Variants in ZIC3 observed in about 807,000 individuals in gnomAD.
ZIC3 encodes zinc finger protein ZIC 3.
ZIC3 carries 6 observed loss-of-function variants against 18.3 expected under a neutral mutation model. That is an observed-to-expected ratio of 0.33 (90% CI 0.18 to 0.65). The LOEUF is 0.65. ZIC3 is among the 30% of genes least tolerant of loss of function. ZIC3 has a pLI of 0.75. For synonymous variants in ZIC3, 175 were observed against 177.0 expected, an observed-to-expected ratio of 0.99 and a Z score of 0.09; for missense variants, 260 against 410.0, an observed-to-expected ratio of 0.63 and a Z score of 3.16.
In ZIC3 at chrX:137,566,644, A is replaced by AC. The variant is rs759794590; in HGVS notation, c.-45dup. The AC allele has an allele frequency of 1.2e-5, 14 of 1,184,042 alleles. No homozygotes were observed. The highest frequency in any genetic ancestry group is 1.6e-5 in the Non-Finnish European group (14 of 884,841). ...TTCGGAGATCTCCTCCTTCGCCGGT[A>AC]CCCTCTCTCACTTCGGCCGGATCGC... On this transcript the variant is annotated 5_prime_UTR_variant, in exon 1 of 3. Coordinates refer to ENST00000287538, the MANE Select transcript of ZIC3 (RefSeq NM_003413.4).
In ZIC3 at chrX:137,567,175, T is replaced by G. The variant is rs1221526194; in HGVS notation, c.484T>G (p.Phe162Val). 8.3e-7 allele frequency: 1 copy of G among 1,207,334 alleles called. No homozygotes were observed. The highest frequency in any genetic ancestry group is 1.1e-6 in the Non-Finnish European group (1 of 892,653). The change falls in exon 1 of 3, where the codon TTT (phenylalanine) becomes GTT (valine). Residue 162 changes from phenylalanine (F) to valine (V), a missense_variant. By Grantham distance (50) the Phe-to-Val change is conservative (BLOSUM62 -1). Coordinates refer to ENST00000287538, the MANE Select transcript of ZIC3 (RefSeq NM_003413.4). Reference protein sequence around the residue: ...GIPEPPSYLLFPGLHEQGAGH... With the variant: ...GIPEPPSYLLVPGLHEQGAGH... ...CCCCGAGCCCCCTAGCTACTTGCTG[T>G]TTCCCGGGCTGCATGAGCAGGGCGC...
rs1290090550 is a variant in ZIC3, at chrX:137,567,257, G to A, written c.566G>A (p.Arg189His). 6 of 1,209,850 alleles carry A rather than the reference G, an allele frequency of 5.0e-6. No homozygotes were observed. In the Admixed American group the frequency reaches 8.7e-5, roughly 18 times the overall value. Residue 189 changes from arginine to histidine, a missense_variant, in exon 1 of 3, where the codon CGT becomes CAT. Physicochemically the swap from Arg to His is conservative, Grantham distance 29 (BLOSUM62 0). Transcript: ENST00000287538. ...VDNNQVHLGL[R>H]GELFGRADPY... ...AACAACCAGGTCCACCTGGGGCTGC[G>A]TGGGGAGCTGTTCGGCCGTGCTGAC...
intron 1 of ZIC3, 183 bp from the exon 2 acceptor site, chrX:137,568,719 C>T: frequency 3.9e-6 from 1 of 259,388 alleles, no homozygotes; most frequent in Non-Finnish European, 7.0e-6. Context: ...ACCACCACTC[C>T]CAAACCCAGC....
downstream of ZIC3, among the ~76,000 whole-genome samples, chrX:137,574,572 A>G (rs1335320479): frequency 1.8e-5 from 2 of 108,830 alleles, no homozygotes; most frequent in African/African-American, 6.7e-5. Context: ...ACCCACCCCC[A>G]CTCCCGCGCC....
In ZIC3 at chrX:137,569,005, T is replaced by C. The variant is rs1032474510; in HGVS notation, c.1164T>C (p.Tyr388=). ...HMHVHTSDKP[Y]ICKVCDKSYT... ...ATGTGCATACCTCGGACAAGCCCTA[T>C]ATCTGCAAAGTGTGCGACAAGTCCT... The change falls in exon 2 of 3, where the codon TAT becomes TAC. Residue 388 remains tyrosine (Y), a synonymous_variant. Coordinates refer to ENST00000287538, the MANE Select transcript of ZIC3 (RefSeq NM_003413.4). 2 of 1,211,236 alleles carry C rather than the reference T, an allele frequency of 1.7e-6. No homozygotes were observed. Among genetic ancestry groups the C allele is most frequent in the East Asian group, 3.0e-5 (1 of 33,775 alleles).
downstream of ZIC3, among the ~76,000 whole-genome samples, chrX:137,576,944 A>G (rs1291898330): frequency 8.9e-6 from 1 of 112,350 alleles, no homozygotes; most frequent in East Asian, 2.8e-4. Flanking sequence ...TTATTAAAAT[A>G]CAACCTGCGT....
downstream of ZIC3, among the ~76,000 whole-genome samples, chrX:137,574,371 G>C (rs1283089490): frequency 8.8e-6 from 1 of 113,589 alleles, no homozygotes; most frequent in East Asian, 2.8e-4. Context: ...TGGCGCAAAA[G>C]GGGCCGCCCC....
At chrX:137,576,972 G>C, downstream of ZIC3, 1 of 410,438 alleles carries the variant, frequency 2.4e-6, no homozygotes, top group South Asian at 4.5e-5. Flanking sequence ...ATTTGAATTT[G>C]AGGTGTTAAA....
downstream of ZIC3, among the ~76,000 whole-genome samples, chrX:137,576,471 GA>G (rs1931515859): frequency 8.9e-6 from 1 of 111,747 alleles, no homozygotes; most frequent in African/African-American, 3.3e-5. Flanking sequence ...GAAGTTATGT[GA>G]ATGGAATTTC....
rs61735159 is a variant in ZIC3 at position 137,567,552 on chromosome X, G to A, written c.861G>A (p.Val287=). The part of the protein sequence containing the change: ...ELVTHVTMEH[V]GGPEQNNHVC... ...TGACACATGTCACCATGGAGCATGT[G>A]GGGGGCCCGGAGCAGAACAACCACG... The change falls in exon 1 of 3, where the codon GTG becomes GTA. Residue 287 remains valine, a synonymous_variant. Coordinates refer to ENST00000287538, the MANE Select transcript of ZIC3 (RefSeq NM_003413.4). 1,735 of 1,211,024 alleles carry A rather than the reference G, an allele frequency of 1.4e-3. 10 individuals carry two copies. The African/African-American group carries it at 0.028, about 19-fold the overall frequency.
chrX:137,567,442 C>T lies in ZIC3; in HGVS notation c.751C>T (p.Leu251=), dbSNP rs767373338. Residue 251 remains leucine, a synonymous_variant, in exon 1 of 3, where the codon CTG becomes TTG. Transcript: ENST00000287538. Reference sequence around the variant, plus strand: ...TATGCGGCAGCCTATCAAGCAGGAGCTGTCGTGCAAGTGGATCGACGAGGC... The same window carrying T: ...TATGCGGCAGCCTATCAAGCAGGAGTTGTCGTGCAAGTGGATCGACGAGGC... The part of the protein sequence containing the change: ...RYMRQPIKQE[L]SCKWIDEAQL... 8.3e-7 allele frequency: 1 copy of T among 1,211,837 alleles called. No individual in the cohort carries two copies. Among genetic ancestry groups the T allele is most frequent in the Non-Finnish European group, 1.1e-6 (1 of 895,617 alleles).
downstream of ZIC3, among the ~76,000 whole-genome samples, chrX:137,574,541 G>C (rs988095355): frequency 8.8e-6 from 1 of 113,188 alleles, no homozygotes; most frequent in Admixed American, 9.2e-5. Context: ...AGCCGCGGCC[G>C]GGGGCCCGTA....
chrX:137,570,170 C>A lies in ZIC3; in HGVS notation c.*100C>A. 1.0e-6 allele frequency: 1 copy of A among 983,440 alleles called. No individual in the cohort carries two copies. Among genetic ancestry groups the A allele is most frequent in the Non-Finnish European group, 1.4e-6 (1 of 690,269 alleles). 81.0% of individuals were successfully genotyped at this position (983,440 alleles called of 1,213,427 possible). On this transcript the variant is annotated 3_prime_UTR_variant, in exon 3 of 3. Coordinates refer to ENST00000287538, the MANE Select transcript of ZIC3 (RefSeq NM_003413.4). ...GAAATGGAGTTTTAAGGCAAGAGGC[C>A]ATATATAGGGCTACATCTTGTTAAT...
downstream of ZIC3, among the ~76,000 whole-genome samples, chrX:137,576,825 A>C (rs993538740): frequency 6.2e-5 from 7 of 112,295 alleles, no homozygotes; most frequent in African/African-American, 2.3e-4. Context: ...TACACATCTG[A>C]TGAATGGAGA....
At chrX:137,575,376 A>G (rs1931502021), downstream of ZIC3, among the ~76,000 whole-genome samples, 1 of 111,323 alleles carries the variant, frequency 9.0e-6, no homozygotes, top group Non-Finnish European at 1.9e-5. Context: ...TGTTAAGGGG[A>G]AAAAAGGCCA....
At chrX:137,568,731 G>C (rs1931393830) in intron 1 of ZIC3, 171 bp from the exon 2 acceptor site, 1 of 299,185 alleles carries the variant, frequency 3.3e-6, no homozygotes, top group South Asian at 3.9e-5. Flanking sequence ...AAACCCAGCG[G>C]GCTCAACCTA....
Position 137,566,642 on chromosome X carries a change from G to T in ZIC3, c.-50G>T, listed in dbSNP as rs777529417. On this transcript the variant is annotated 5_prime_UTR_variant, in exon 1 of 3. Coordinates refer to ENST00000287538, the MANE Select transcript of ZIC3 (RefSeq NM_003413.4). ...ACTTCGGAGATCTCCTCCTTCGCCGGTACCCTCTCTCACTTCGGCCGGATC... is the reference window on the plus strand; with the variant it reads ...ACTTCGGAGATCTCCTCCTTCGCCGTTACCCTCTCTCACTTCGGCCGGATC... The T allele has an allele frequency of 1.1e-5, 13 of 1,183,649 alleles. No homozygotes were observed. Among genetic ancestry groups the T allele is most frequent in the Non-Finnish European group, 1.4e-5 (12 of 884,631 alleles).
At position 137,566,710 on chromosome X, in the gene ZIC3, G is replaced by C. The variant is rs763534805; in HGVS notation, c.19G>C (p.Gly7Arg). The stretch of plus-strand genomic sequence containing the variant: ...CCCACCCATGACGATGCTCCTGGAC[G>C]GAGGCCCGCAGTTCCCTGGGCTGGG... MTMLLD[G>R]GPQFPGLGVG... The change falls in exon 1 of 3, where the codon GGA becomes CGA. Residue 7 changes from glycine (G) to arginine (R), a missense_variant. By Grantham distance (125) the Gly-to-Arg change is moderately radical (BLOSUM62 -2). Around this residue, in one of 4 missense-constraint regions of ZIC3, gnomAD observed 183 missense variants for 223.8 expected, o/e 0.82. Coordinates refer to ENST00000287538, the MANE Select transcript of ZIC3 (RefSeq NM_003413.4). 17 of 1,199,720 alleles carry C rather than the reference G, an allele frequency of 1.4e-5. No individual in the cohort carries two copies. The highest frequency in any genetic ancestry group is 1.8e-5 in the Non-Finnish European group (16 of 890,439).
downstream of ZIC3, among the ~76,000 whole-genome samples, chrX:137,575,387 G>C (rs780494200): frequency 9.0e-6 from 1 of 111,452 alleles, no homozygotes; most frequent in Non-Finnish European, 1.9e-5. Context: ...AAAAAGGCCA[G>C]AATTCCGAAA....
Sources: allele counts gnomAD v4.1 joint callset (sites outside exome capture counted in the v4.1 genomes callset), GRCh38; gene constraint gnomAD v4.1.1; regional missense constraint gnomAD v4.1.1; transcripts MANE v1.5; gene names NCBI Gene and HGNC (gene_info 2026-07-23, HGNC 2026-07-21).